DAGLA: variants seen among roughly 807,000 people sequenced by gnomAD.
DAGLA encodes diacylglycerol lipase alpha.
In DAGLA, 22 loss-of-function variants were observed where a neutral mutation model predicts 102.6. The observed-to-expected ratio is 0.21, with a 90% CI of 0.15 to 0.31. The LOEUF (loss-of-function observed/expected upper bound fraction) is 0.31, where lower values mean the gene tolerates loss of function less well. Among genes scored for constraint, DAGLA ranks in the 10% least tolerant of loss-of-function variants. The probability of loss-of-function intolerance (pLI) is 1.00; values close to 1 mark genes in which losing one functional copy is unlikely to be tolerated. For synonymous variants in DAGLA, 578 were observed against 628.9 expected (o/e 0.92, Z 1.21); for missense variants, 927 against 1,446.6 (o/e 0.64, Z 5.83).
intron 9 of DAGLA, among the ~76,000 whole-genome samples, chr11:61,732,824 C>T: frequency 6.6e-6 from 1 of 152,192 alleles, no homozygotes; most frequent in South Asian, 2.1e-4. Context: ...GGGAGAAGGG[C>T]TGCCCATCTG....
chr11:61,697,521 G>T (rs1036101718), intron 1 of DAGLA, among the ~76,000 whole-genome samples: 8 of 152,114 alleles, frequency 5.3e-5, no homozygotes, highest in African/African-American at 1.9e-4. Context: ...GGGCTGTGGG[G>T]CAGGGTTCCA....
Position 61,744,085 on chromosome 11 carries a change from C to G in DAGLA, c.2725C>G (p.Gln909Glu). 1 of 1,612,916 alleles carries G rather than the reference C, an allele frequency of 6.2e-7. No homozygotes were observed. The highest frequency in any genetic ancestry group is 8.5e-7 in the Non-Finnish European group (1 of 1,179,976). Residue 909 changes from glutamine to glutamate, a missense_variant, in exon 20 of 20, where the codon CAG becomes GAG. Coordinates refer to ENST00000257215, the MANE Select transcript of DAGLA (RefSeq NM_006133.3). ...GCGCCTGGGGGACTCGCCCAGTCCTCAGGTGCTGGAATTCGCCGAGTTCAT... is the reference window on the plus strand; with the variant it reads ...GCGCCTGGGGGACTCGCCCAGTCCTGAGGTGCTGGAATTCGCCGAGTTCAT... The part of the protein sequence containing the change: ...NGRLGDSPSP[Q>E]VLEFAEFIDS...
chr11:61,722,831 C>T (rs1357539755), intron 3 of DAGLA, 28 bp from the exon 4 acceptor site: 3 of 1,595,086 alleles, frequency 1.9e-6, no homozygotes, highest in African/African-American at 1.3e-5. Context: ...TGGCAGCCAT[C>T]CTTCAGCCAG....
intron 1 of DAGLA, among the ~76,000 whole-genome samples, chr11:61,700,366 A>C (rs988068643): frequency 2.0e-5 from 3 of 147,050 alleles, no homozygotes; most frequent in African/African-American, 8.2e-5. Flanking sequence ...CCCTGCCCTG[A>C]CCTTCTCTTC....
chr11:61,738,242 G>C lies in DAGLA; in HGVS notation c.1656+35G>C, dbSNP rs199600548. 6 of 1,564,860 alleles carry C rather than the reference G, an allele frequency of 3.8e-6. No homozygotes were observed. The Admixed American group carries it at 5.0e-5, about 13-fold the overall frequency. On this transcript the variant is annotated intron_variant, in intron 16 of 19. Transcript: ENST00000257215. ...CACCTGGGCACCCTGCCTCTGTGCA[G>C]CCTCATCTGTCCCTGCCCTTGACCC...
chr11:61,695,610 G>T (rs762220298), intron 1 of DAGLA, among the ~76,000 whole-genome samples: 2 of 152,204 alleles, frequency 1.3e-5, no homozygotes, highest in African/African-American at 4.8e-5. Flanking sequence ...GGCCACAGGC[G>T]CTTCTCCAGG....
chr11:61,739,618 C>T lies in DAGLA; in HGVS notation c.1810C>T (p.Arg604Cys), dbSNP rs760168097. The T allele has an allele frequency of 5.6e-6, 9 of 1,614,104 alleles. No individual in the cohort carries two copies. The highest frequency in any genetic ancestry group is 2.2e-5 in the East Asian group (1 of 44,880). ...SASTPLYPPGRIIHVVHNHPA... is the reference protein window; with the variant it reads ...SASTPLYPPGCIIHVVHNHPA... ...CAGCACTCCACTCTACCCGCCCGGCCGCATCATCCACGTGGTCCACAACCA... is the reference window on the plus strand; with the variant it reads ...CAGCACTCCACTCTACCCGCCCGGCTGCATCATCCACGTGGTCCACAACCA... Residue 604 changes from arginine (R) to cysteine (C), a missense_variant, in exon 17 of 20, where the codon CGC becomes TGC. By Grantham distance (180) the Arg-to-Cys change is radical (BLOSUM62 -3). This residue lies in a region of DAGLA where 218 missense variants were observed against 459.6 expected (regional missense o/e 0.47). Coordinates refer to ENST00000257215, the MANE Select transcript of DAGLA (RefSeq NM_006133.3).
At chr11:61,731,883 T>C (rs568619162) in intron 9 of DAGLA, among the ~76,000 whole-genome samples, 2 of 152,306 alleles carry the variant, frequency 1.3e-5, no homozygotes, top group African/African-American at 4.8e-5. Context: ...TCATGTGCTC[T>C]GCCTTTCTAG....
intron 1 of DAGLA, among the ~76,000 whole-genome samples, chr11:61,696,143 C>T (rs752333863): frequency 1.3e-5 from 2 of 152,134 alleles, no homozygotes; most frequent in African/African-American, 2.4e-5. Flanking sequence ...TCACCCTCTG[C>T]GGGAGGGGCT....
At chr11:61,731,487 G>T (rs754009642) in intron 9 of DAGLA, 46 bp downstream of exon 9, 1 of 1,605,874 alleles carries the variant, frequency 6.2e-7, no homozygotes, top group Non-Finnish European at 8.5e-7. Flanking sequence ...CTCTCCTCCC[G>T]GGTGGTGTGT....
At chr11:61,695,625 G>T (rs1409436373) in intron 1 of DAGLA, among the ~76,000 whole-genome samples, 3 of 152,234 alleles carry the variant, frequency 2.0e-5, no homozygotes, top group Non-Finnish European at 4.4e-5. Context: ...TCCAGGGACA[G>T]AATGTCCTGC....
intron 9 of DAGLA, among the ~76,000 whole-genome samples, chr11:61,733,915 G>A (rs1396088912): frequency 1.4e-5 from 2 of 142,150 alleles, no homozygotes; most frequent in Admixed American, 7.2e-5. Context: ...ACTGTGACAG[G>A]ACGTTTGAAC....
chr11:61,691,497 C>G (rs1220169508), intron 1 of DAGLA, among the ~76,000 whole-genome samples: 2 of 152,244 alleles, frequency 1.3e-5, no homozygotes, highest in East Asian at 3.8e-4. Context: ...CTTCCTGCCT[C>G]CAACTGTGTC....
chr11:61,743,008 G>A (rs1025308794), intron 19 of DAGLA, among the ~76,000 whole-genome samples: 1 of 152,086 alleles, frequency 6.6e-6, no homozygotes, highest in African/African-American at 2.4e-5. Flanking sequence ...GGGACCCCGC[G>A]GCTCAACCCA....
intron 8 of DAGLA, among the ~76,000 whole-genome samples, chr11:61,729,452 C>CCAGCCCAGGGCCCAGCACA (rs1324337698): frequency 1.3e-5 from 2 of 150,618 alleles, no homozygotes; most frequent in Non-Finnish European, 3.0e-5. Context: ...TGGGAGAACC[C>CCAGCCCAGGGCCCAGCACA]CAGCCCAGGG....
intron 15 of DAGLA, 114 bp downstream of exon 15, chr11:61,737,869 G>A: frequency 1.0e-6 from 1 of 978,638 alleles, no homozygotes; most frequent in Non-Finnish European, 1.6e-6. Context: ...TCTCTCAAGG[G>A]ACCCCACGCC....
chr11:61,702,149 C>G (rs1156963673), intron 1 of DAGLA, among the ~76,000 whole-genome samples: 1 of 152,166 alleles, frequency 6.6e-6, no homozygotes, highest in Non-Finnish European at 1.5e-5. Context: ...GATCCTCCAG[C>G]CTCGGCCTCC....
At chr11:61,737,803 C>T (rs2135602037) in intron 15 of DAGLA, 48 bp downstream of exon 15, 1 of 1,520,560 alleles carries the variant, frequency 6.6e-7, no homozygotes, top group Admixed American at 1.7e-5. Context: ...CTGTTCCTCC[C>T]TCCTCCAGGC....
rs745859361 is a variant in DAGLA at position 61,743,715 on chromosome 11, C to A, written c.2355C>A (p.Asp785Glu). The A allele has an allele frequency of 6.2e-7, 1 of 1,608,522 alleles. No individual in the cohort carries two copies. The highest frequency in any genetic ancestry group is 8.5e-7 in the Non-Finnish European group (1 of 1,178,238). The change falls in exon 20 of 20, where the codon GAC becomes GAA. Residue 785 changes from aspartate to glutamate, a missense_variant. By Grantham distance (45) the Asp-to-Glu change is conservative. This residue lies in a region of DAGLA where 434 missense variants were observed against 503.3 expected (regional missense o/e 0.86). Coordinates refer to ENST00000257215, the MANE Select transcript of DAGLA (RefSeq NM_006133.3). ...APLATMESLS[D>E]TESLYSFDSR... ...TGGCCACCATGGAGAGCCTCTCGGACACTGAGTCCCTGTACAGCTTCGACT... is the reference window on the plus strand; with the variant it reads ...TGGCCACCATGGAGAGCCTCTCGGAAACTGAGTCCCTGTACAGCTTCGACT...
Sources: allele counts gnomAD v4.1 joint callset (sites outside exome capture counted in the v4.1 genomes callset), GRCh38; gene constraint gnomAD v4.1.1; regional missense constraint gnomAD v4.1.1; transcripts MANE v1.5; gene names NCBI Gene and HGNC (gene_info 2026-07-23, HGNC 2026-07-21).